Variants in MAN1C1 observed in about 807,000 individuals in gnomAD.
The protein encoded by MAN1C1 is mannosyl-oligosaccharide 1,2-alpha-mannosidase IC.
Under a neutral mutation model 71.5 loss-of-function variants are expected in MAN1C1, and 49 were observed. The observed-to-expected ratio is 0.69, with a 90% CI of 0.54 to 0.87. The LOEUF (loss-of-function observed/expected upper bound fraction) is 0.87, where lower values mean the gene tolerates loss of function less well. MAN1C1 is among the 40% of genes least tolerant of loss of function. The pLI is 0.00. For missense variants in MAN1C1, 743 were observed against 835.0 expected (o/e 0.89, Z 1.36); for synonymous variants, 352 against 343.7 (o/e 1.02, Z -0.27).
chr1:25,764,469 G>C lies in MAN1C1; in HGVS notation c.1141+502G>C, dbSNP rs985408570. ...ACTCTGTCACCCAGGCCGGAGTGCA[G>C]TGGCACGATCTCGGCTCACTGCAAC... On this transcript the variant is annotated intron_variant, in intron 7 of 11. Transcript: ENST00000374332. The surrounding 1 kb of genome is among the most constrained non-coding windows in gnomAD (Gnocchi z 4.4). Among the ~76,000 whole-genome samples, 1 of 152,010 alleles carries C rather than the reference G, an allele frequency of 6.6e-6. No individual in the cohort carries two copies. The highest frequency in any genetic ancestry group is 2.4e-5 in the African/African-American group (1 of 41,390).
chr1:25,722,031 C>G (rs189444315), intron 2 of MAN1C1, among the ~76,000 whole-genome samples: 1 of 152,184 alleles, frequency 6.6e-6, no homozygotes, highest in African/African-American at 2.4e-5. Flanking sequence ...TCTACTCTCA[C>G]GCTTAATCGA....
intron 7 of MAN1C1, among the ~76,000 whole-genome samples, chr1:25,766,290 C>T (rs2047425475): frequency 6.6e-6 from 1 of 152,028 alleles, no homozygotes; most frequent in Admixed American, 6.5e-5. Flanking sequence ...CGTCTGCCTT[C>T]CTCCTCCCCT....
intron 1 of MAN1C1, among the ~76,000 whole-genome samples, chr1:25,668,201 T>A (rs1420818325): frequency 1.3e-5 from 2 of 152,124 alleles, no homozygotes; most frequent in African/African-American, 4.8e-5. Flanking sequence ...AGATATTTAT[T>A]AAGTTCTCAG....
chr1:25,652,666 A>G (rs1174347866), intron 1 of MAN1C1, among the ~76,000 whole-genome samples: 1 of 152,196 alleles, frequency 6.6e-6, no homozygotes, highest in Non-Finnish European at 1.5e-5. Context: ...ACCGACATGC[A>G]GGATCAGTGG....
intron 1 of MAN1C1, among the ~76,000 whole-genome samples, chr1:25,659,510 G>A (rs1469878764): frequency 6.6e-6 from 1 of 152,182 alleles, no homozygotes; most frequent in Non-Finnish European, 1.5e-5. Context: ...CTAAACCTGG[G>A]GGAGATTATG....
chr1:25,782,834 A>G lies in MAN1C1; in HGVS notation c.1766+134A>G. 1.5e-6 allele frequency: 1 copy of G among 657,744 alleles called. No homozygotes were observed. Among genetic ancestry groups the G allele is most frequent in the Admixed American group, 2.7e-5 (1 of 37,588 alleles). The allele number at this position is 657,744 out of a possible 1,614,324, so 40.7% of individuals were successfully genotyped here. The stretch of plus-strand genomic sequence containing the variant: ...AAAAGGGGTGAAGGGCTTGGGATCC[A>G]GAGGGCTGCACCCCAGGTGTGAGCC... On this transcript the variant is annotated intron_variant, in intron 11 of 11. Coordinates refer to ENST00000374332, the MANE Select transcript of MAN1C1 (RefSeq NM_020379.4). This position sits in a 1 kb window ranked among gnomAD's most constrained non-coding sequence, Gnocchi z 4.4.
At chr1:25,749,552 C>G (rs1409724561) in intron 4 of MAN1C1, among the ~76,000 whole-genome samples, 2 of 152,190 alleles carry the variant, frequency 1.3e-5, no homozygotes, top group African/African-American at 4.8e-5. Context: ...GCATGTTGCT[C>G]CCACCCCAGA....
At chr1:25,625,088 C>G (rs970912393) in intron 1 of MAN1C1, among the ~76,000 whole-genome samples, 4 of 148,086 alleles carry the variant, frequency 2.7e-5, no homozygotes, top group African/African-American at 7.8e-5. Context: ...ACACAGCAAC[C>G]TCTGCCTCCT....
chr1:25,673,724 A>T (rs1431058156), intron 1 of MAN1C1, among the ~76,000 whole-genome samples: 1 of 152,204 alleles, frequency 6.6e-6, no homozygotes, highest in African/African-American at 2.4e-5. Flanking sequence ...TGAAAACGGC[A>T]TGTGCACATG....
chr1:25,678,900 T>C (rs1316153222), intron 1 of MAN1C1, among the ~76,000 whole-genome samples: 2 of 152,194 alleles, frequency 1.3e-5, no homozygotes, highest in East Asian at 3.8e-4. Flanking sequence ...TGTTAAATAA[T>C]GGGCAGTTGT....
At chr1:25,633,675 C>T (rs1452376775) in intron 1 of MAN1C1, among the ~76,000 whole-genome samples, 3 of 151,756 alleles carry the variant, frequency 2.0e-5, no homozygotes, top group South Asian at 2.1e-4. Flanking sequence ...AATCCTTATA[C>T]GTTAGGTGAG....
chr1:25,626,546 G>C (rs2045297502), intron 1 of MAN1C1, among the ~76,000 whole-genome samples: 1 of 151,986 alleles, frequency 6.6e-6, no homozygotes, highest in Admixed American at 6.6e-5. Context: ...TTTTAGTAGA[G>C]ATGGGGTTTC....
chr1:25,778,422 C>G lies in MAN1C1; in HGVS notation c.1477+98C>G. On this transcript the variant is annotated intron_variant, in intron 9 of 11. Transcript: ENST00000374332. This position sits in a 1 kb window ranked among gnomAD's most constrained non-coding sequence, Gnocchi z 5.5. ...GCAGTGAGCGAAGGGAGCACATGGC[C>G]TTAGGGAAGCCTCCCCTTGGAAGTT... The G allele has an allele frequency of 8.2e-7, 1 of 1,212,748 alleles. No individual in the cohort carries two copies. Among genetic ancestry groups the G allele is most frequent in the South Asian group, 1.6e-5 (1 of 64,362 alleles). The allele number at this position is 1,212,748 out of a possible 1,614,324, so 75.1% of individuals were successfully genotyped here.
intron 2 of MAN1C1, among the ~76,000 whole-genome samples, chr1:25,729,800 G>T (rs150062943): frequency 6.6e-6 from 1 of 151,848 alleles, no homozygotes; most frequent in Admixed American, 6.6e-5. Flanking sequence ...ATGAGCCCCC[G>T]TGCCTGGCCA....
chr1:25,714,811 T>C (rs1289841288), intron 2 of MAN1C1, among the ~76,000 whole-genome samples: 1 of 152,176 alleles, frequency 6.6e-6, no homozygotes, highest in Non-Finnish European at 1.5e-5. Flanking sequence ...CACAAGCTGG[T>C]GGTACCCTGG....
At chr1:25,726,317 C>T (rs1251355330) in intron 2 of MAN1C1, among the ~76,000 whole-genome samples, 2 of 152,188 alleles carry the variant, frequency 1.3e-5, no homozygotes, top group African/African-American at 2.4e-5. Context: ...CTCTGCCCAA[C>T]TCGTTCCTAT....
intron 8 of MAN1C1, chr1:25,772,371 G>A (rs2047565269): frequency 6.5e-6 from 1 of 153,016 alleles, no homozygotes; most frequent in African/African-American, 2.4e-5. Flanking sequence ...TCTGTCCGCG[G>A]GGTGTGGAAT....
At chr1:25,650,995 C>T (rs1263731447) in intron 1 of MAN1C1, among the ~76,000 whole-genome samples, 1 of 152,044 alleles carries the variant, frequency 6.6e-6, no homozygotes, top group Non-Finnish European at 1.5e-5. Context: ...AGTAAGAACT[C>T]CTCCAAGGAG....
At chr1:25,759,114 T>C (rs747538758) in intron 6 of MAN1C1, 12 of 204,102 alleles carry the variant, frequency 5.9e-5, no homozygotes, top group Non-Finnish European at 1.2e-4. Flanking sequence ...AGCTTTTCCA[T>C]GTGAGATCTG....
Sources: gnomAD v4.1 joint callset for allele counts (sites outside exome capture counted in the v4.1 genomes callset) on GRCh38, gnomAD v4.1.1 for gene constraint, Gnocchi (gnomAD v3.1) non-coding constraint, MANE v1.5 for transcripts, NCBI Gene and HGNC (gene_info 2026-07-23, HGNC 2026-07-21) for gene names.